E2F5: variants seen among roughly 807,000 people sequenced by gnomAD.
E2F5 encodes the protein transcription factor E2F5.
Under a neutral mutation model 39.1 loss-of-function variants are expected in E2F5, and 23 were observed. That is an observed-to-expected ratio of 0.59 (90% CI 0.42 to 0.83). E2F5 has a LOEUF of 0.83. Among genes scored for constraint, E2F5 ranks in the 40% least tolerant of loss-of-function variants. The pLI is 0.00. For missense variants in E2F5, 365 were observed against 406.7 expected, an observed-to-expected ratio of 0.90 and a Z score of 0.88; for synonymous variants, 145 against 157.8, an observed-to-expected ratio of 0.92 and a Z score of 0.61.
chr8:85,177,518 C>A lies in E2F5; in HGVS notation c.98C>A (p.Pro33Gln). ...CCGCAGCCTCCGCAGGCGCAAGCCC[C>A]GCAGCCGCCCCCGCCGCCGCAGCTC... ...PPPQPPQAQA[P>Q]QPPPPPQLGG... The change falls in exon 1 of 8, where the codon CCG becomes CAG. Residue 33 changes from proline to glutamine, a missense_variant. Pro to Gln is a moderately conservative substitution (Grantham distance 76). Transcript: ENST00000416274. 8.9e-7 allele frequency: 1 copy of A among 1,124,094 alleles called. No homozygotes were observed. Among genetic ancestry groups the A allele is most frequent in the Non-Finnish European group, 1.1e-6 (1 of 920,196 alleles). 69.6% of individuals were successfully genotyped at this position (1,124,094 alleles called of 1,614,324 possible).
Position 85,213,807 on chromosome 8 carries a change from T to C in E2F5, c.986T>C (p.Leu329Ser), listed in dbSNP as rs1294613675. 6.2e-7 allele frequency: 1 copy of C among 1,613,526 alleles called. No homozygotes were observed. Among genetic ancestry groups the C allele is most frequent in the Admixed American group, 1.7e-5 (1 of 59,994 alleles). Residue 329 changes from leucine to serine, a missense_variant, in exon 8 of 8, where the codon TTA becomes TCA. Transcript: ENST00000416274. ...PTPADDYNFNLDDNEGVCDLF... is the reference protein window; with the variant it reads ...PTPADDYNFNSDDNEGVCDLF... Reference sequence around the variant, plus strand: ...CCGGCAGATGACTACAACTTTAATTTAGATGATAACGAAGGAGTTTGTGAT... The same window carrying C: ...CCGGCAGATGACTACAACTTTAATTCAGATGATAACGAAGGAGTTTGTGAT...
chr8:85,178,255 G>T (rs979746168), intron 1 of E2F5: 2 of 151,870 alleles, frequency 1.3e-5, no homozygotes, highest in African/African-American at 2.4e-5. Flanking sequence ...TCATCACCCT[G>T]ATAGTTAGGA....
At chr8:85,213,490 C>T in intron 7 of E2F5, 1 of 173,560 alleles carries the variant, frequency 5.8e-6, no homozygotes, top group Non-Finnish European at 1.1e-5. Context: ...TTGCAGTGGG[C>T]CGAGATCGAG....
intron 3 of E2F5, among the ~76,000 whole-genome samples, chr8:85,204,630 C>T (rs150541948): frequency 8.6e-5 from 13 of 151,452 alleles, no homozygotes; most frequent in Admixed American, 6.6e-4. Context: ...CAACATGGCA[C>T]ATGTATACAT....
chr8:85,181,915 C>T (rs1265690659), intron 1 of E2F5, among the ~76,000 whole-genome samples: 2 of 151,392 alleles, frequency 1.3e-5, no homozygotes, highest in African/African-American at 4.9e-5. Context: ...GAGCCGAGAT[C>T]GCACCACTGC....
chr8:85,197,563 C>T (rs1194839102), intron 1 of E2F5, among the ~76,000 whole-genome samples: 1 of 152,078 alleles, frequency 6.6e-6, no homozygotes, highest in African/African-American at 2.4e-5. Context: ...CTTTGTTCAC[C>T]TTTGTTTATC....
chr8:85,212,277 T>A, intron 7 of E2F5, 73 bp downstream of exon 7: 1 of 1,149,774 alleles, frequency 8.7e-7, no homozygotes, highest in Non-Finnish European at 1.3e-6. Flanking sequence ...AAACATGATT[T>A]AAAAGAAATG....
intron 1 of E2F5, among the ~76,000 whole-genome samples, chr8:85,198,319 G>C (rs963975039): frequency 6.6e-6 from 1 of 150,886 alleles, no homozygotes; most frequent in African/African-American, 2.4e-5. Context: ...ATACTCACAT[G>C]TTGAAATAGC....
rs1031938108 is a variant in E2F5, at chr8:85,177,345, G to T, written c.-76G>T. On this transcript the variant is annotated 5_prime_UTR_variant, in exon 1 of 8. Coordinates refer to ENST00000416274, the MANE Select transcript of E2F5 (RefSeq NM_001951.4). ...GCGGGGAAGCGGCCGCAGCGGAGCC[G>T]ACCCGGCAGGTGGCCGCGGGCGGGG... The T allele has an allele frequency of 1.0e-6, 1 of 977,036 alleles. No individual in the cohort carries two copies. Among genetic ancestry groups the T allele is most frequent in the African/African-American group, 1.8e-5 (1 of 57,046 alleles). The allele number at this position is 977,036 out of a possible 1,614,324, so 60.5% of individuals were successfully genotyped here.
intron 1 of E2F5, among the ~76,000 whole-genome samples, chr8:85,199,634 T>C (rs1387376458): frequency 6.6e-6 from 1 of 152,140 alleles, no homozygotes. Context: ...ACACACAACT[T>C]TTTCAAACAC....
intron 1 of E2F5, among the ~76,000 whole-genome samples, chr8:85,195,465 T>C (rs937223104): frequency 1.3e-5 from 2 of 152,146 alleles, no homozygotes; most frequent in South Asian, 4.1e-4. Flanking sequence ...AGGAAGTTAA[T>C]ACTTAAAAGA....
rs1265857899 is a variant in E2F5, at chr8:85,177,429, G to A, written c.9G>A (p.Ala3=). 59 of 989,782 alleles carry A rather than the reference G, an allele frequency of 6.0e-5. No homozygotes were observed. Among genetic ancestry groups the A allele is most frequent in the Non-Finnish European group, 7.0e-5 (58 of 834,046 alleles). 61.3% of individuals were successfully genotyped at this position (989,782 alleles called of 1,614,324 possible). A position where few individuals can be genotyped will look rare whatever the true frequency, so the allele number is the denominator to read the frequency against. Reference sequence around the variant, plus strand: ...CGCGGGGCCGGGACGCGATGGCGGCGGCAGAGCCCGCGAGCTCGGGCCAGC... The same window carrying A: ...CGCGGGGCCGGGACGCGATGGCGGCAGCAGAGCCCGCGAGCTCGGGCCAGC... MA[A]AEPASSGQQA... The change falls in exon 1 of 8, where the codon GCG becomes GCA. Residue 3 remains alanine (A), a synonymous_variant. Transcript: ENST00000416274.
intron 5 of E2F5, 58 bp from the exon 6 acceptor site, chr8:85,209,079 CTGTCT>C (rs1364578790): frequency 3.9e-5 from 60 of 1,521,190 alleles, no homozygotes; most frequent in Middle Eastern, 3.7e-4. Flanking sequence ...TCTTATTGTA[CTGTCT>C]TAAGTTAGCT....
chr8:85,206,102 C>T, intron 3 of E2F5, 75 bp from the exon 4 acceptor site: 2 of 1,390,526 alleles, frequency 1.4e-6, no homozygotes, highest in East Asian at 2.3e-5. Context: ...GTTATTTTGA[C>T]CTTCAGATGT....
chr8:85,207,710 C>T (rs1350463141), intron 5 of E2F5, among the ~76,000 whole-genome samples: 1 of 145,830 alleles, frequency 6.9e-6, no homozygotes, highest in Non-Finnish European at 1.5e-5. Context: ...TTGGCTATAT[C>T]CTTAGTCATT....
chr8:85,199,786 G>A (rs550020426), intron 1 of E2F5, among the ~76,000 whole-genome samples: 21 of 152,224 alleles, frequency 1.4e-4, no homozygotes, highest in African/African-American at 5.1e-4. Flanking sequence ...TAGACATTGC[G>A]GTAAGATTAT....
intron 1 of E2F5, among the ~76,000 whole-genome samples, chr8:85,181,600 A>G (rs2136039168): frequency 6.9e-6 from 1 of 145,386 alleles, no homozygotes; most frequent in African/African-American, 2.5e-5. Flanking sequence ...CGGCCTCCCA[A>G]AGTGCTGGGA....
intron 1 of E2F5, among the ~76,000 whole-genome samples, chr8:85,197,173 TG>T (rs1812600779): frequency 6.6e-6 from 1 of 152,208 alleles, no homozygotes; most frequent in Non-Finnish European, 1.5e-5. Context: ...GCATATGTAT[TG>T]ACTTTTGTGA....
At chr8:85,209,495 GA>G (rs1471052218) in intron 6 of E2F5, 86 bp downstream of exon 6, 1 of 1,436,602 alleles carries the variant, frequency 7.0e-7, no homozygotes, top group Non-Finnish European at 9.3e-7. Context: ...CTTGTGACCA[GA>G]AATGTCCCAA....
Sources: allele counts gnomAD v4.1 joint callset (sites outside exome capture counted in the v4.1 genomes callset), GRCh38; gene constraint gnomAD v4.1.1; transcripts MANE v1.5; gene names NCBI Gene and HGNC (gene_info 2026-07-23, HGNC 2026-07-21).